Variants in USP9X observed in about 807,000 individuals in gnomAD.
USP9X encodes the protein ubiquitin specific peptidase 9 X-linked.
USP9X carries 7 observed loss-of-function variants against 190.3 expected under a neutral mutation model. The observed-to-expected ratio is 0.04, with a 90% CI of 0.02 to 0.07. The LOEUF is 0.07. Among genes scored for constraint, USP9X ranks in the 10% least tolerant of loss-of-function variants. The probability of loss-of-function intolerance (pLI) is 1.00; values close to 1 mark genes in which losing one functional copy is unlikely to be tolerated. For missense variants in USP9X, 1,010 were observed against 1,916.9 expected (o/e 0.53, Z 8.83); for synonymous variants, 645 against 659.5 (o/e 0.98, Z 0.34).
chrX:41,127,645 A>G (rs1194782202), intron 2 of USP9X, among the ~76,000 whole-genome samples: 2 of 112,088 alleles, frequency 1.8e-5, no homozygotes, highest in Non-Finnish European at 3.8e-5. Flanking sequence ...GCACCTGCAC[A>G]GTTTTACTGT....
intron 2 of USP9X, among the ~76,000 whole-genome samples, chrX:41,125,684 A>ACACACACACACACACACTCTCTCTCT: frequency 1.2e-3 from 22 of 19,011 alleles, no homozygotes; most frequent in South Asian, 3.8e-3. Context: ...ACACACACAC[A>ACACACACACACACACACTCTCTCTCT]CTCTCTCTCT....
At chrX:41,181,680 C>T (rs2062828553) in intron 21 of USP9X, among the ~76,000 whole-genome samples, 1 of 109,004 alleles carries the variant, frequency 9.2e-6, no homozygotes, top group Admixed American at 9.8e-5. Context: ...AACTCCTGAC[C>T]TCAAGTGATC....
intron 1 of USP9X, among the ~76,000 whole-genome samples, chrX:41,105,501 A>G (rs1000689624): frequency 1.8e-5 from 2 of 112,145 alleles, no homozygotes; most frequent in Non-Finnish European, 3.8e-5. Context: ...CTAAAGCTGG[A>G]TTATTTTCCA....
Position 41,112,268 on chromosome X carries a change from T to G in USP9X, c.-158-11203T>G, listed in dbSNP as rs1016810937. Among the ~76,000 whole-genome samples the G allele has an allele frequency of 2.7e-5, 3 of 112,838 alleles. No homozygotes were observed. In the Admixed American group the frequency reaches 2.8e-4, roughly 11 times the overall value. On this transcript the variant is annotated intron_variant, in intron 1 of 44. Transcript: ENST00000378308. ...GAATGGATGCAGGCCTGACAGTCACTGCTTTCAAAAGAAAGCTCAATCCCT... is the reference window on the plus strand; with the variant it reads ...GAATGGATGCAGGCCTGACAGTCACGGCTTTCAAAAGAAAGCTCAATCCCT...
At chrX:41,094,836 C>T (rs12689871) in intron 1 of USP9X, among the ~76,000 whole-genome samples, 14,182 of 107,603 alleles carry the variant, frequency 0.13, 888 homozygotes, top group East Asian at 0.21. Context: ...GTCAGGAGTT[C>T]GAGACCAGCC....
chrX:41,089,822 T>G (rs2061940483), intron 1 of USP9X, among the ~76,000 whole-genome samples: 1 of 107,228 alleles, frequency 9.3e-6, no homozygotes, highest in Non-Finnish European at 1.9e-5. Flanking sequence ...TGTCTCTTAA[T>G]CCCCTTGGTC....
chrX:41,133,919 A>G (rs1187541464), intron 4 of USP9X, among the ~76,000 whole-genome samples: 1 of 112,541 alleles, frequency 8.9e-6, no homozygotes, highest in Non-Finnish European at 1.9e-5. Flanking sequence ...ATATCGCTTC[A>G]ATATACTGAT....
Position 41,232,440 on chromosome X carries a change from C to G in USP9X, c.7581C>G (p.Asn2527Lys), listed in dbSNP as rs1389122646. 2 of 1,209,177 alleles carry G rather than the reference C, an allele frequency of 1.7e-6. No homozygotes were observed. Among genetic ancestry groups the G allele is most frequent in the Non-Finnish European group, 2.2e-6 (2 of 895,022 alleles). ...PYTGPAAHHM[N>K]NPQRTGQRAQ... Reference sequence around the variant, plus strand: ...CAGGCCCAGCAGCACATCACATGAACAACCCTCAGAGAACTGGCCAACGAG... The same window carrying G: ...CAGGCCCAGCAGCACATCACATGAAGAACCCTCAGAGAACTGGCCAACGAG... The change falls in exon 45 of 45, where the codon AAC becomes AAG. Residue 2527 changes from asparagine (N) to lysine (K), a missense_variant. Around this residue, in one of 11 missense-constraint regions of USP9X, gnomAD observed 48 missense variants for 60.4 expected, o/e 0.79. Coordinates refer to ENST00000378308, the MANE Select transcript of USP9X (RefSeq NM_001039591.3).
intron 21 of USP9X, among the ~76,000 whole-genome samples, chrX:41,181,163 C>T (rs1266225105): frequency 9.0e-6 from 1 of 110,887 alleles, no homozygotes; most frequent in East Asian, 2.8e-4. Flanking sequence ...ACACAACATA[C>T]CTATAAGGAA....
At chrX:41,097,559 T>TAA (rs2062000730) in intron 1 of USP9X, among the ~76,000 whole-genome samples, 1 of 112,120 alleles carries the variant, frequency 8.9e-6, no homozygotes, top group African/African-American at 3.2e-5. Context: ...AGACATTTAA[T>TAA]AAAGTTATGT....
Position 41,141,033 on chromosome X carries a change from G to C in USP9X, c.838G>C (p.Glu280Gln), listed in dbSNP as rs1569165626. 1 of 1,205,970 alleles carries C rather than the reference G, an allele frequency of 8.3e-7. No homozygotes were observed. Among genetic ancestry groups the C allele is most frequent in the Admixed American group, 2.2e-5 (1 of 45,385 alleles). The change falls in exon 8 of 45, where the codon GAA becomes CAA. Residue 280 changes from glutamate to glutamine, a missense_variant. This residue lies in a region of USP9X where 176 missense variants were observed against 247.5 expected (regional missense o/e 0.71). Coordinates refer to ENST00000378308, the MANE Select transcript of USP9X (RefSeq NM_001039591.3). ...TVKKYFLPII[E>Q]MVPQFLENLT... ...GAAAAAGTACTTTCTTCCAATAATAGAAATGGTTCCACAGTTTTTAGAAAA... is the reference window on the plus strand; with the variant it reads ...GAAAAAGTACTTTCTTCCAATAATACAAATGGTTCCACAGTTTTTAGAAAA...
At position 41,170,197 on chromosome X, in the gene USP9X, A is replaced by G; in HGVS notation, c.2839A>G (p.Arg947Gly). 1 of 1,211,584 alleles carries G rather than the reference A, an allele frequency of 8.3e-7. No homozygotes were observed. ...TGAGCTGATAGATCCTGCAGATGAT[A>G]GAAAGTTGATTGGACAATTAAACTT... ...GGELIDPADD[R>G]KLIGQLNLKD... Residue 947 changes from arginine (R) to glycine (G), a missense_variant, in exon 19 of 45, where the codon AGA becomes GGA. Arg to Gly is a moderately radical substitution (Grantham distance 125). Coordinates refer to ENST00000378308, the MANE Select transcript of USP9X (RefSeq NM_001039591.3).
At chrX:41,223,853 T>C (rs2147263718) in intron 39 of USP9X, among the ~76,000 whole-genome samples, 1 of 111,865 alleles carries the variant, frequency 8.9e-6, no homozygotes, top group Admixed American at 9.5e-5. Context: ...AATGGGGGTC[T>C]TTTTTCTGTC....
intron 33 of USP9X, among the ~76,000 whole-genome samples, chrX:41,213,079 CA>C: frequency 8.9e-6 from 1 of 111,811 alleles, no homozygotes; most frequent in East Asian, 2.8e-4. Context: ...AGTGAAATGT[CA>C]AAAGATTATG....
chrX:41,136,935 T>C lies in USP9X; in HGVS notation c.567T>C (p.Gly189=). 7.4e-6 allele frequency: 9 copies of C among 1,211,425 alleles called. No homozygotes were observed. The highest frequency in any genetic ancestry group is 8.9e-6 in the Non-Finnish European group (8 of 895,054). The stretch of plus-strand genomic sequence containing the variant: ...ATTGCAAATTCCATATCTACAATGG[T>C]ACACGTCCATGTGAATCAGTTTCCT... The part of the protein sequence containing the change: ...NPHCKFHIYN[G]TRPCESVSSS... Residue 189 remains glycine, a synonymous_variant, in exon 6 of 45, where the codon GGT becomes GGC. Coordinates refer to ENST00000378308, the MANE Select transcript of USP9X (RefSeq NM_001039591.3).
chrX:41,175,424 G>A (rs1181863357), intron 21 of USP9X, among the ~76,000 whole-genome samples: 1 of 110,546 alleles, frequency 9.0e-6, no homozygotes, highest in Non-Finnish European at 1.9e-5. Context: ...GGGAGGCTGA[G>A]GTGGGAGGAT....
Position 41,091,582 on chromosome X carries a change from A to G in USP9X, c.-159+5473A>G, listed in dbSNP as rs1423640458. Among the ~76,000 whole-genome samples, 5 of 112,491 alleles carry G rather than the reference A, an allele frequency of 4.4e-5. No homozygotes were observed. In the East Asian group the frequency reaches 1.4e-3, roughly 31 times the overall value. ...CATATAGACATTTAGTAACTGTTGG[A>G]TGAATATAGTTTATCACATTCTTGC... On this transcript the variant is annotated intron_variant, in intron 1 of 44. Coordinates refer to ENST00000378308, the MANE Select transcript of USP9X (RefSeq NM_001039591.3).
At chrX:41,145,234 C>T (rs1199361227) in intron 11 of USP9X, among the ~76,000 whole-genome samples, 5 of 111,681 alleles carry the variant, frequency 4.5e-5, no homozygotes, top group African/African-American at 6.5e-5. Context: ...AGGTCACCAA[C>T]GTTTCTTGTT....
intron 14 of USP9X, among the ~76,000 whole-genome samples, chrX:41,161,329 CTTTTTTTT>C (rs1158519140): frequency 3.4e-4 from 11 of 32,485 alleles, no homozygotes; most frequent in Non-Finnish European, 4.6e-4. Flanking sequence ...GAATTCTTGC[CTTTTTTTT>C]TTTTTTTTTT....
Sources: gnomAD v4.1 joint callset for allele counts (sites outside exome capture counted in the v4.1 genomes callset) on GRCh38, gnomAD v4.1.1 for gene constraint, gnomAD v4.1.1 regional missense constraint, MANE v1.5 for transcripts, NCBI Gene and HGNC (gene_info 2026-07-23, HGNC 2026-07-21) for gene names.